The following AADACL2 variants were observed in gnomAD, a reference collection of about 807,000 sequenced individuals.
AADACL2 encodes the protein arylacetamide deacetylase like 2, also known as arylacetamide deacetylase-like 2.
Under a neutral mutation model 22.3 loss-of-function variants are expected in AADACL2, and 23 were observed. The observed-to-expected ratio is 1.03, with a 90% CI of 0.74 to 1.46. The LOEUF is 1.46. Among genes scored for constraint, AADACL2 ranks in the 40% most tolerant of loss-of-function variants. The pLI is 0.00. For synonymous variants in AADACL2, 177 were observed against 166.2 expected, an observed-to-expected ratio of 1.07 and a Z score of -0.50; for missense variants, 472 against 482.9, an observed-to-expected ratio of 0.98 and a Z score of 0.21.
chr3:151,744,057 A>G, intron 2 of AADACL2, 36 bp from the exon 3 acceptor site: 1 of 1,594,908 alleles, frequency 6.3e-7, no homozygotes, highest in Admixed American at 1.7e-5. Flanking sequence ...CTTTTTAATT[A>G]CAGGAAATAC....
chr3:151,759,693 C>G lies in AADACL2; in HGVS notation c.*2099C>G, dbSNP rs1714081315. 6.6e-6 allele frequency: 1 copy of G among 152,108 alleles called. No homozygotes were observed. The highest frequency in any genetic ancestry group is 1.5e-5 in the Non-Finnish European group (1 of 68,018). 9.4% of individuals were successfully genotyped at this position (152,108 alleles called of 1,614,324 possible). ...TTTATTTATTTTGTAAATTTGGTCC[C>G]AGAATATTTCTGGAAGGAACCACAG... On this transcript the variant is annotated 3_prime_UTR_variant, in exon 5 of 5. Coordinates refer to ENST00000356517, the MANE Select transcript of AADACL2 (RefSeq NM_207365.4).
chr3:151,738,247 C>T (rs1713160150), intron 1 of AADACL2, among the ~76,000 whole-genome samples: 1 of 152,146 alleles, frequency 6.6e-6, no homozygotes, highest in Non-Finnish European at 1.5e-5. Context: ...TTCTCCTTTG[C>T]TTACGAAGCT....
intron 4 of AADACL2, among the ~76,000 whole-genome samples, chr3:151,752,936 T>C (rs995011028): frequency 3.9e-5 from 6 of 152,200 alleles, no homozygotes; most frequent in Non-Finnish European, 8.8e-5. Context: ...AATATTTCTA[T>C]GGCATCCCAT....
At chr3:151,753,208 A>T (rs1223956968) in intron 4 of AADACL2, among the ~76,000 whole-genome samples, 2 of 152,194 alleles carry the variant, frequency 1.3e-5, no homozygotes, top group Non-Finnish European at 2.9e-5. Context: ...CCTGAAGTCC[A>T]TCAGAAGCAG....
rs1714096656 is a variant in AADACL2 at position 151,760,272 on chromosome 3, T to C, written c.*2678T>C. 6.6e-6 allele frequency: 1 copy of C among 152,178 alleles called. No homozygotes were observed. Among genetic ancestry groups the C allele is most frequent in the Non-Finnish European group, 1.5e-5 (1 of 68,018 alleles). 9.4% of individuals were successfully genotyped at this position (152,178 alleles called of 1,614,324 possible). On this transcript the variant is annotated 3_prime_UTR_variant, in exon 5 of 5. Coordinates refer to ENST00000356517, the MANE Select transcript of AADACL2 (RefSeq NM_207365.4). ...TAAAAATTCCAACGTTTTCAGTCTCTTTGTAGCTATGTTATCCAGACATTG... is the reference window on the plus strand; with the variant it reads ...TAAAAATTCCAACGTTTTCAGTCTCCTTGTAGCTATGTTATCCAGACATTG...
intron 4 of AADACL2, among the ~76,000 whole-genome samples, chr3:151,750,067 A>G (rs1713606348): frequency 6.6e-6 from 1 of 152,140 alleles, no homozygotes; most frequent in South Asian, 2.1e-4. Context: ...CATTTTGTCA[A>G]GTCATTTTTG....
At chr3:151,746,647 T>C (rs1419821046) in intron 4 of AADACL2, among the ~76,000 whole-genome samples, 3 of 152,068 alleles carry the variant, frequency 2.0e-5, no homozygotes, top group Admixed American at 1.3e-4. Context: ...AGTTTTTGCA[T>C]AAATGGGTCT....
intron 1 of AADACL2, among the ~76,000 whole-genome samples, chr3:151,737,027 C>T (rs1039976647): frequency 1.3e-5 from 2 of 152,058 alleles, no homozygotes; most frequent in African/African-American, 4.8e-5. Flanking sequence ...CTAAACACTT[C>T]TCTAGTTCTT....
rs565857885 is a variant in AADACL2 at position 151,753,965 on chromosome 3, G to A, written c.604-3027G>A. 7.9e-5 allele frequency among the ~76,000 whole-genome samples: 12 copies of A among 152,220 alleles called. No homozygotes were observed. In the South Asian group the frequency reaches 1.7e-3, roughly 21 times the overall value. ...TGCCATGCCCTTTGAATGGTCACAG[G>A]GCACTTGGGAAATGGGAGAGGATTC... On this transcript the variant is annotated intron_variant, in intron 4 of 4. Transcript: ENST00000356517.
Position 151,757,207 on chromosome 3 carries a change from G to T in AADACL2, c.819G>T (p.Glu273Asp). ...GAAGAAACCAACACATGCCTCTGGA[G>T]TCAAGACATCTGTTTAAGTTTGTTA... Reference protein sequence around the residue: ...AMRRNQHMPLESRHLFKFVNW... With the variant: ...AMRRNQHMPLDSRHLFKFVNW... The change falls in exon 5 of 5, where the codon GAG becomes GAT. Residue 273 changes from glutamate to aspartate, a missense_variant. Glu to Asp is a conservative substitution (Grantham distance 45). This residue lies in a region of AADACL2 where 356 missense variants were observed against 365.5 expected (regional missense o/e 0.97). Coordinates refer to ENST00000356517, the MANE Select transcript of AADACL2 (RefSeq NM_207365.4). 2.5e-6 allele frequency: 4 copies of T among 1,613,698 alleles called. No homozygotes were observed. Among genetic ancestry groups the T allele is most frequent in the Non-Finnish European group, 3.4e-6 (4 of 1,179,706 alleles).
At chr3:151,745,416 C>A in intron 3 of AADACL2, 93 bp from the exon 4 acceptor site, 3 of 1,290,306 alleles carry the variant, frequency 2.3e-6, no homozygotes, top group Non-Finnish European at 2.2e-6. Context: ...GAAGACTGAA[C>A]AATAAAGACT....
chr3:151,755,217 A>C (rs1025817566), intron 4 of AADACL2: 1 of 147,542 alleles, frequency 6.8e-6, no homozygotes, highest in African/African-American at 2.5e-5. Context: ...CTATTTTCCC[A>C]TATGATATTA....
chr3:151,740,959 C>A, intron 2 of AADACL2, 91 bp downstream of exon 2: 1 of 1,001,480 alleles, frequency 1.0e-6, no homozygotes, highest in Non-Finnish European at 1.5e-6. Context: ...TATACTGATA[C>A]ATACATCTAT....
At position 151,747,872 on chromosome 3, in the gene AADACL2, T is replaced by C. The variant is rs1022875733; in HGVS notation, c.603+2192T>C. 3.9e-5 allele frequency among the ~76,000 whole-genome samples: 6 copies of C among 152,292 alleles called. No homozygotes were observed. In the East Asian group the frequency reaches 7.7e-4, roughly 20 times the overall value. ...GGAAACTCCATACTGTTTTCCATAA[T>C]GGATATACTAACTGACATTTCCAAC... On this transcript the variant is annotated intron_variant, in intron 4 of 4. Coordinates refer to ENST00000356517, the MANE Select transcript of AADACL2 (RefSeq NM_207365.4).
rs1010740572 is a variant in AADACL2 at position 151,742,963 on chromosome 3, T to G, written c.362-1130T>G. ...CTTTTTGGTCTCTGGAGCACACTTT[T>G]GTTTTACATGGAAGGCTATGTCTCC... On this transcript the variant is annotated intron_variant, in intron 2 of 4. Coordinates refer to ENST00000356517, the MANE Select transcript of AADACL2 (RefSeq NM_207365.4). Among the ~76,000 whole-genome samples the G allele has an allele frequency of 8.0e-4, 122 of 152,134 alleles. 2 individuals carry two copies. The highest frequency in any genetic ancestry group is 2.1e-3 in the South Asian group (10 of 4,826).
Position 151,758,984 on chromosome 3 carries a change from T to C in AADACL2, c.*1390T>C, listed in dbSNP as rs1051060109. 1.3e-5 allele frequency: 2 copies of C among 152,124 alleles called. No individual in the cohort carries two copies. Among genetic ancestry groups the C allele is most frequent in the African/African-American group, 4.8e-5 (2 of 41,446 alleles). 9.4% of individuals were successfully genotyped at this position (152,124 alleles called of 1,614,324 possible). A position where few individuals can be genotyped will look rare whatever the true frequency, so the allele number is the denominator to read the frequency against. On this transcript the variant is annotated 3_prime_UTR_variant, in exon 5 of 5. Coordinates refer to ENST00000356517, the MANE Select transcript of AADACL2 (RefSeq NM_207365.4). ...GTCCACAAACAAAATAAGATTTTTT[T>C]AATGTAGAGAGAAATTAATTATGTT... is the stretch of plus-strand genomic sequence containing the variant.
intron 1 of AADACL2, among the ~76,000 whole-genome samples, chr3:151,734,765 TA>T (rs1371444114): frequency 1.3e-5 from 2 of 152,222 alleles, no homozygotes; most frequent in Non-Finnish European, 2.9e-5. Context: ...AGGCTTTGTA[TA>T]ATATGTACTT....
chr3:151,754,142 C>T lies in AADACL2; in HGVS notation c.604-2850C>T, dbSNP rs549088512. Among the ~76,000 whole-genome samples the T allele has an allele frequency of 3.9e-5, 6 of 152,228 alleles. No individual in the cohort carries two copies. The South Asian group carries it at 1.2e-3, about 32-fold the overall frequency. On this transcript the variant is annotated intron_variant, in intron 4 of 4. Transcript: ENST00000356517. ...ATCCCTTCTCTGACTTTGTTACCAG[C>T]TTCCTTTCAGCCACCACTCCCAATT... is the stretch of plus-strand genomic sequence containing the variant.
At chr3:151,743,419 A>G (rs190261036) in intron 2 of AADACL2, among the ~76,000 whole-genome samples, 615 of 152,196 alleles carry the variant, frequency 4.0e-3, no homozygotes, top group Non-Finnish European at 6.3e-3. Context: ...GGACCTGGGG[A>G]AAGATGTGTG....
Sources: allele counts gnomAD v4.1 joint callset (sites outside exome capture counted in the v4.1 genomes callset), GRCh38; gene constraint gnomAD v4.1.1; regional missense constraint gnomAD v4.1.1; transcripts MANE v1.5; gene names NCBI Gene and HGNC (gene_info 2026-07-23, HGNC 2026-07-21).